ST7: variants seen among roughly 807,000 people sequenced by gnomAD.
The protein encoded by ST7 is suppressor of tumorigenicity 7 protein.
ST7 carries 28 observed loss-of-function variants against 78.7 expected under a neutral mutation model. The observed-to-expected ratio is 0.36, with a 90% confidence interval of 0.26 to 0.49. ST7 has a LOEUF of 0.49. ST7 is among the 20% of genes least tolerant of loss of function. The probability of loss-of-function intolerance (pLI) is 0.99; values close to 1 mark genes in which losing one functional copy is unlikely to be tolerated. For missense variants in ST7, 418 were observed against 696.0 expected, an observed-to-expected ratio of 0.60 and a Z score of 4.49; for synonymous variants, 247 against 249.6, an observed-to-expected ratio of 0.99 and a Z score of 0.10.
At chr7:117,071,268 C>A (rs908434359) in intron 1 of ST7, among the ~76,000 whole-genome samples, 16 of 152,076 alleles carry the variant, frequency 1.1e-4, no homozygotes, top group Non-Finnish European at 4.4e-5. Flanking sequence ...ATTCTAAAAG[C>A]TCCATCTTTA....
chr7:117,189,999 C>G (rs1481774504), intron 11 of ST7: 1 of 153,468 alleles, frequency 6.5e-6, no homozygotes, highest in Non-Finnish European at 1.5e-5. Flanking sequence ...TTACGCTTCC[C>G]CAATATAATC....
At chr7:117,069,475 T>C (rs1416742998) in intron 1 of ST7, among the ~76,000 whole-genome samples, 2 of 152,242 alleles carry the variant, frequency 1.3e-5, no homozygotes, top group African/African-American at 4.8e-5. Context: ...CATTTTCCAA[T>C]GGACATTCCA....
At chr7:117,188,242 A>G (rs1247188600) in intron 10 of ST7, among the ~76,000 whole-genome samples, 2 of 151,948 alleles carry the variant, frequency 1.3e-5, no homozygotes, top group Non-Finnish European at 2.9e-5. Context: ...TAATTATGGG[A>G]CTTCTATTTT....
At chr7:116,972,123 AG>A in intron 1 of ST7, 1 of 548,826 alleles carries the variant, frequency 1.8e-6, no homozygotes, top group South Asian at 1.4e-5. Flanking sequence ...AGGCAGAGTC[AG>A]GGTCAGAGGG....
intron 1 of ST7, among the ~76,000 whole-genome samples, chr7:117,006,175 G>C (rs1795150598): frequency 6.6e-6 from 1 of 152,162 alleles, no homozygotes; most frequent in Non-Finnish European, 1.5e-5. Flanking sequence ...TGTGTCTTTT[G>C]AAAGAACAGT....
intron 10 of ST7, among the ~76,000 whole-genome samples, chr7:117,171,398 C>T (rs1009919571): frequency 6.6e-6 from 1 of 152,046 alleles, no homozygotes; most frequent in African/African-American, 2.4e-5. Flanking sequence ...CCCTTTGGAG[C>T]AATGTAGAAC....
At chr7:117,093,518 T>C (rs1443053351) in intron 1 of ST7, among the ~76,000 whole-genome samples, 1 of 152,074 alleles carries the variant, frequency 6.6e-6, no homozygotes, top group Non-Finnish European at 1.5e-5. Flanking sequence ...CTGGTTAACA[T>C]AGTGAAACCC....
At chr7:117,099,721 A>G in intron 1 of ST7, 41 bp from the exon 2 acceptor site, 3 of 1,482,134 alleles carry the variant, frequency 2.0e-6, no homozygotes, top group Non-Finnish European at 2.8e-6. Context: ...ATACTCATAC[A>G]TTCCTTGTTC....
chr7:117,222,069 G>C lies in ST7; in HGVS notation c.1638+7G>C, dbSNP rs1467821125. ...GGGGGTCTTCGCAAAAGCTGTGAGT[G>C]TTTGCCTAGAGGGAGGCCTTGGGGA... On this transcript the variant is annotated splice_region_variant and intron_variant, in intron 15 of 15. Transcript: ENST00000323984. 1 of 1,603,528 alleles carries C rather than the reference G, an allele frequency of 6.2e-7. No homozygotes were observed. Among genetic ancestry groups the C allele is most frequent in the Non-Finnish European group, 8.5e-7 (1 of 1,176,336 alleles).
intron 1 of ST7, among the ~76,000 whole-genome samples, chr7:116,984,720 T>A (rs764549840): frequency 6.6e-6 from 1 of 152,196 alleles, no homozygotes; most frequent in African/African-American, 2.4e-5. Flanking sequence ...TATGTAAATA[T>A]GCCCAACACA....
At chr7:116,969,453 GC>G (rs1305073120) in intron 1 of ST7, among the ~76,000 whole-genome samples, 1 of 152,178 alleles carries the variant, frequency 6.6e-6, no homozygotes, top group Non-Finnish European at 1.5e-5. Flanking sequence ...GAGGTCAAGT[GC>G]CATTTTTGTC....
chr7:117,033,304 T>G (rs750629578), intron 1 of ST7, among the ~76,000 whole-genome samples: 1 of 152,162 alleles, frequency 6.6e-6, no homozygotes, highest in East Asian at 1.9e-4. Context: ...ATGGAAAAAC[T>G]TATTAAGTTT....
intron 1 of ST7, among the ~76,000 whole-genome samples, chr7:117,033,572 C>T (rs945333139): frequency 6.6e-6 from 1 of 151,868 alleles, no homozygotes; most frequent in Non-Finnish European, 1.5e-5. Flanking sequence ...TACAGGTGCC[C>T]GCCACCATGC....
In ST7 at chr7:117,144,691, C is replaced by G. The variant is rs189162437; in HGVS notation, c.963+6159C>G. On this transcript the variant is annotated intron_variant, in intron 9 of 15. Coordinates refer to ENST00000323984, the MANE Select transcript of ST7 (RefSeq NM_001369598.1). The stretch of plus-strand genomic sequence containing the variant: ...TCCCTAACCATACCTCCAGGGGTTC[C>G]CTGACCATGCCTTGAGAGTCACTTG... Among the ~76,000 whole-genome samples the G allele has an allele frequency of 4.8e-3, 733 of 151,348 alleles. 4 individuals are homozygous for G. The highest frequency in any genetic ancestry group is 8.3e-3 in the Non-Finnish European group (562 of 67,896).
chr7:117,191,673 A>T (rs1341104683), intron 12 of ST7: 1 of 152,084 alleles, frequency 6.6e-6, no homozygotes, highest in Non-Finnish European at 1.5e-5. Flanking sequence ...ATCTTCTCTG[A>T]GGGAGGAAAA....
rs138798329 is a variant in ST7, at chr7:117,198,524, C to T, written c.1254+7588C>T. On this transcript the variant is annotated intron_variant, in intron 12 of 15. Coordinates refer to ENST00000323984, the MANE Select transcript of ST7 (RefSeq NM_001369598.1). ...GCAGCTATTGTCTTCAGGGATTCTGCAGCTTGTAGCTGCTTGGTAAGTTCT... is the reference window on the plus strand; with the variant it reads ...GCAGCTATTGTCTTCAGGGATTCTGTAGCTTGTAGCTGCTTGGTAAGTTCT... 9.7e-3 allele frequency: 2,887 copies of T among 296,922 alleles called. 26 individuals carry two copies. The highest frequency in any genetic ancestry group is 0.015 in the Non-Finnish European group (2,303 of 149,790). 18.4% of individuals were successfully genotyped at this position (296,922 alleles called of 1,614,324 possible).
chr7:117,141,494 A>G (rs1258869951), intron 9 of ST7, among the ~76,000 whole-genome samples: 1 of 152,312 alleles, frequency 6.6e-6, no homozygotes, highest in East Asian at 1.9e-4. Flanking sequence ...TCATTTTTTA[A>G]AGCAACACGT....
chr7:117,007,315 T>C lies in ST7; in HGVS notation c.151+53624T>C, dbSNP rs1795197683. Among the ~76,000 whole-genome samples, 3 of 152,176 alleles carry C rather than the reference T, an allele frequency of 2.0e-5. No individual in the cohort carries two copies. The South Asian group carries it at 6.2e-4, about 32-fold the overall frequency. ...TATGGAGAAAGTTAGAGTGGTCTGA[T>C]AGAAAATCAAACCAGCCATAACATT... On this transcript the variant is annotated intron_variant, in intron 1 of 15. Transcript: ENST00000323984.
At chr7:117,026,157 AGGATTCATTGTTGTTAT>A (rs1049184556) in intron 1 of ST7, among the ~76,000 whole-genome samples, 4 of 152,256 alleles carry the variant, frequency 2.6e-5, no homozygotes, top group Admixed American at 2.6e-4. Context: ...GGATGTGAAT[AGGATTCATTGTTGTTAT>A]GGATTCTGAG....
Sources: allele counts gnomAD v4.1 joint callset (sites outside exome capture counted in the v4.1 genomes callset), GRCh38; gene constraint gnomAD v4.1.1; transcripts MANE v1.5; gene names NCBI Gene and HGNC (gene_info 2026-07-23, HGNC 2026-07-21).